Variants in IL1RAPL2 observed in about 807,000 individuals in gnomAD.
IL1RAPL2 encodes the protein interleukin 1 receptor accessory protein like 2.
In IL1RAPL2, 3 loss-of-function variants were observed where a neutral mutation model predicts 44.1. The observed-to-expected ratio is 0.07, with a 90% confidence interval of 0.03 to 0.18. IL1RAPL2 has a LOEUF of 0.18. Among genes scored for constraint, IL1RAPL2 ranks in the 10% least tolerant of loss-of-function variants. The pLI, the probability that IL1RAPL2 is intolerant of heterozygous loss-of-function variation, is 1.00. For missense variants in IL1RAPL2, 391 were observed against 496.4 expected (o/e 0.79, Z 2.02); for synonymous variants, 181 against 178.8 (o/e 1.01, Z -0.10).
At chrX:105,138,652 G>A (rs754124872) in intron 2 of IL1RAPL2, among the ~76,000 whole-genome samples, 81 of 111,074 alleles carry the variant, frequency 7.3e-4, no homozygotes, top group Non-Finnish European at 9.8e-4. Context: ...CCACTGTTAT[G>A]CCTCCCCATG....
chrX:104,728,998 C>T (rs1273917076), intron 2 of IL1RAPL2, among the ~76,000 whole-genome samples: 1 of 111,134 alleles, frequency 9.0e-6, no homozygotes, highest in African/African-American at 3.3e-5. Context: ...ATGTTGATCA[C>T]CTTTAGACTT....
At chrX:104,655,857 G>A (rs890501985) in intron 1 of IL1RAPL2, among the ~76,000 whole-genome samples, 5 of 111,303 alleles carry the variant, frequency 4.5e-5, no homozygotes, top group African/African-American at 1.3e-4. Flanking sequence ...AGAGCCTGTT[G>A]TTGGTCTATT....
intron 5 of IL1RAPL2, among the ~76,000 whole-genome samples, chrX:105,417,608 C>T (rs777189018): frequency 2.7e-5 from 3 of 112,537 alleles, no homozygotes; most frequent in African/African-American, 9.7e-5. Context: ...TATGAGTTCC[C>T]TTGGGGAAAA....
At chrX:105,166,538 A>T (rs1047394812) in intron 2 of IL1RAPL2, among the ~76,000 whole-genome samples, 1 of 112,201 alleles carries the variant, frequency 8.9e-6, no homozygotes, top group South Asian at 3.7e-4. Context: ...TCCATTTTCA[A>T]ATGCCAGAAG....
In IL1RAPL2 at chrX:105,042,100, G is replaced by A. The variant is rs1235731963; in HGVS notation, c.83-153375G>A. On this transcript the variant is annotated intron_variant, in intron 2 of 10. Coordinates refer to ENST00000372582, the MANE Select transcript of IL1RAPL2 (RefSeq NM_017416.2). ...TTCAAGATGGATTAAAGACTTACAT[G>A]TTAGACCTAAAACCATAAAAACCCT... is the stretch of plus-strand genomic sequence containing the variant. Among the ~76,000 whole-genome samples, 20 of 111,398 alleles carry A rather than the reference G, an allele frequency of 1.8e-4. No individual in the cohort carries two copies. In the South Asian group the frequency reaches 6.8e-3, roughly 38 times the overall value.
rs750568753 is a variant in IL1RAPL2 at position 105,378,104 on chromosome X, A to G, written c.698-106209A>G. ...TAGATACAGTAGCATAACTACTCTAATTAGTTTTCAAAAGGACATTCTCCT... is the reference window on the plus strand; with the variant it reads ...TAGATACAGTAGCATAACTACTCTAGTTAGTTTTCAAAAGGACATTCTCCT... On this transcript the variant is annotated intron_variant, in intron 5 of 10. Coordinates refer to ENST00000372582, the MANE Select transcript of IL1RAPL2 (RefSeq NM_017416.2). 2.7e-5 allele frequency among the ~76,000 whole-genome samples: 3 copies of G among 112,039 alleles called. No individual in the cohort carries two copies. The East Asian group carries it at 8.4e-4, about 31-fold the overall frequency.
At chrX:104,912,478 A>G (rs1213023759) in intron 2 of IL1RAPL2, among the ~76,000 whole-genome samples, 2 of 111,554 alleles carry the variant, frequency 1.8e-5, no homozygotes, top group Non-Finnish European at 3.8e-5. Flanking sequence ...GTATTAATTT[A>G]TAGAGATGTT....
rs771942661 is a variant in IL1RAPL2 at position 105,554,081 on chromosome X, G to T, written c.772+69694G>T. 3.6e-5 allele frequency among the ~76,000 whole-genome samples: 4 copies of T among 112,512 alleles called. No homozygotes were observed. In the Admixed American group the frequency reaches 3.7e-4, roughly 11 times the overall value. ...TCTTTGTAACACATTACTTGGAGCT[G>T]CCCCACACTCCAGGGCCTATTCATA... On this transcript the variant is annotated intron_variant, in intron 6 of 10. Transcript: ENST00000372582.
chrX:105,057,754 G>A (rs1472472951), intron 2 of IL1RAPL2, among the ~76,000 whole-genome samples: 1 of 108,668 alleles, frequency 9.2e-6, no homozygotes, highest in Non-Finnish European at 1.9e-5. Flanking sequence ...TGACTGATTG[G>A]TTATTTTATT....
At chrX:105,155,255 T>C (rs1270092148) in intron 2 of IL1RAPL2, among the ~76,000 whole-genome samples, 1 of 111,058 alleles carries the variant, frequency 9.0e-6, no homozygotes, top group Non-Finnish European at 1.9e-5. Context: ...TTAAAATAAG[T>C]AGAAATAGAA....
chrX:105,177,677 C>T (rs894203746), intron 2 of IL1RAPL2, among the ~76,000 whole-genome samples: 3 of 111,218 alleles, frequency 2.7e-5, no homozygotes, highest in East Asian at 5.6e-4. Flanking sequence ...AATAAAAATA[C>T]GTACCAACTA....
intron 10 of IL1RAPL2, among the ~76,000 whole-genome samples, chrX:105,766,398 A>T (rs1250774607): frequency 8.9e-6 from 1 of 111,823 alleles, no homozygotes; most frequent in African/African-American, 3.3e-5. Context: ...TGATTCTAAA[A>T]GAGATTTTCC....
chrX:104,920,873 T>C (rs936282174), intron 2 of IL1RAPL2, among the ~76,000 whole-genome samples: 7 of 110,191 alleles, frequency 6.4e-5, no homozygotes, highest in Non-Finnish European at 1.1e-4. Flanking sequence ...ATATTGAGTA[T>C]ACCTGCACAC....
At chrX:105,565,203 CT>C (rs897511558) in intron 6 of IL1RAPL2, among the ~76,000 whole-genome samples, 3 of 111,117 alleles carry the variant, frequency 2.7e-5, no homozygotes, top group Non-Finnish European at 5.7e-5. Context: ...AAAATGTAGT[CT>C]TTTTTTTAGA....
intron 6 of IL1RAPL2, among the ~76,000 whole-genome samples, chrX:105,495,808 G>T (rs1026663525): frequency 1.8e-5 from 2 of 109,645 alleles, no homozygotes; most frequent in Non-Finnish European, 3.8e-5. Context: ...AATTCTAGGC[G>T]TCTCTCCCCG....
intron 2 of IL1RAPL2, among the ~76,000 whole-genome samples, chrX:104,700,397 A>G (rs1469361380): frequency 9.0e-6 from 1 of 111,514 alleles, no homozygotes; most frequent in Non-Finnish European, 1.9e-5. Flanking sequence ...TGTACTTGGT[A>G]TAGCTTTTCT....
At chrX:105,066,161 C>T (rs2032135176) in intron 2 of IL1RAPL2, among the ~76,000 whole-genome samples, 1 of 110,926 alleles carries the variant, frequency 9.0e-6, no homozygotes. Flanking sequence ...TCCTTTCTGT[C>T]CTCACTCCCA....
chrX:105,233,804 C>T lies in IL1RAPL2; in HGVS notation c.357-14C>T. ...ACCCAATAAAGCCATTTTGTTATTT[C>T]TCTGTTCCTACAGAAACTCAACATA... On this transcript the variant is annotated splice_polypyrimidine_tract_variant and intron_variant, in intron 3 of 10. Transcript: ENST00000372582. 1 of 1,185,471 alleles carries T rather than the reference C, an allele frequency of 8.4e-7. No homozygotes were observed. Among genetic ancestry groups the T allele is most frequent in the Non-Finnish European group, 1.1e-6 (1 of 878,351 alleles).
intron 5 of IL1RAPL2, among the ~76,000 whole-genome samples, chrX:105,388,183 A>AAAAAAAAAAAAAAAAAAT: frequency 1.0e-5 from 1 of 96,454 alleles, no homozygotes; most frequent in African/African-American, 3.9e-5. Context: ...AAAAAAAAAA[A>AAAAAAAAAAAAAAAAAAT]AAAAAGGATA....
Sources: allele counts gnomAD v4.1 joint callset (sites outside exome capture counted in the v4.1 genomes callset), GRCh38; gene constraint gnomAD v4.1.1; transcripts MANE v1.5; gene names NCBI Gene and HGNC (gene_info 2026-07-23, HGNC 2026-07-21).